Variants in NRG1 observed in about 807,000 individuals in gnomAD.
NRG1 encodes pro-neuregulin-1, membrane-bound isoform.
A neutral mutation model predicts 63.8 loss-of-function variants in NRG1; 18 were observed. The observed-to-expected ratio is 0.28, with a 90% CI of 0.19 to 0.42. The LOEUF is 0.42. Ranked by LOEUF, NRG1 falls within the 10% of genes least tolerant of loss-of-function variation. The pLI is 1.00. For synonymous variants in NRG1, 302 were observed against 301.3 expected, an observed-to-expected ratio of 1.00 and a Z score of -0.02; for missense variants, 762 against 814.7, an observed-to-expected ratio of 0.94 and a Z score of 0.79.
intron 5 of NRG1, among the ~76,000 whole-genome samples, chr8:32,650,431 A>G (rs1428401294): frequency 6.6e-6 from 1 of 152,012 alleles, no homozygotes; most frequent in Non-Finnish European, 1.5e-5. Context: ...AGACTTTGAA[A>G]CCTATAAGGA....
At chr8:32,412,431 TATATATATATATATATATATAC>T (rs1156548985) in intron 1 of NRG1, among the ~76,000 whole-genome samples, 1 of 43,922 alleles carries the variant, frequency 2.3e-5, no homozygotes, top group East Asian at 7.7e-4. Context: ...TACATATATA[TATATATATATATATATATATAC>T]ATATATATAT....
chr8:32,642,461 G>C (rs578094260), intron 5 of NRG1, among the ~76,000 whole-genome samples: 3 of 152,150 alleles, frequency 2.0e-5, no homozygotes, highest in Admixed American at 2.0e-4. Flanking sequence ...GAAGGGCTTC[G>C]TCAAGGAGCT....
At chr8:32,732,387 A>G (rs12680777) in intron 6 of NRG1, among the ~76,000 whole-genome samples, 4,560 of 152,228 alleles carry the variant, frequency 0.03, 296 homozygotes, top group East Asian at 0.28. Context: ...GAACAGTTTC[A>G]GTGGAGAACT....
intron 1 of NRG1, among the ~76,000 whole-genome samples, chr8:32,570,550 G>GA (rs1838355488): frequency 6.6e-6 from 1 of 152,006 alleles, no homozygotes; most frequent in Non-Finnish European, 1.5e-5. Flanking sequence ...AAGTTCATCA[G>GA]AAAAAATTTA....
chr8:32,643,937 A>AT (rs1296942580), intron 5 of NRG1, among the ~76,000 whole-genome samples: 2 of 152,210 alleles, frequency 1.3e-5, no homozygotes, highest in African/African-American at 4.8e-5. Context: ...TCAATAATAT[A>AT]ATCAAATGCA....
At chr8:32,466,068 C>T (rs929355529) in intron 1 of NRG1, among the ~76,000 whole-genome samples, 2 of 151,978 alleles carry the variant, frequency 1.3e-5, no homozygotes, top group South Asian at 2.1e-4. Flanking sequence ...TTTGGGAGGC[C>T]GAGATGGGCT....
chr8:32,591,926 C>T (rs1359911640), intron 1 of NRG1, among the ~76,000 whole-genome samples: 1 of 151,758 alleles, frequency 6.6e-6, no homozygotes, highest in Non-Finnish European at 1.5e-5. Context: ...TGCACATGTA[C>T]CCCCTGCACC....
chr8:32,612,425 T>A lies in NRG1; in HGVS notation c.401-2089T>A, dbSNP rs114219094. ...AGAAGTATAGGTTAACTTTTGAGCTTGTATTTCCTCCAGGGTTAATTCAGA... is the reference window on the plus strand; with the variant it reads ...AGAAGTATAGGTTAACTTTTGAGCTAGTATTTCCTCCAGGGTTAATTCAGA... On this transcript the variant is annotated intron_variant, in intron 3 of 11. Transcript: ENST00000356819. Among the ~76,000 whole-genome samples the A allele has an allele frequency of 3.1e-3, 475 of 152,168 alleles. 1 individual carries two copies. Among genetic ancestry groups the A allele is most frequent in the African/African-American group, 0.011 (445 of 41,548 alleles).
chr8:31,942,171 G>T (rs927372963), intron 1 of NRG1, among the ~76,000 whole-genome samples: 4 of 152,044 alleles, frequency 2.6e-5, no homozygotes, highest in Admixed American at 6.6e-5. Context: ...AAACAGCATG[G>T]TACTGGTATA....
chr8:31,813,516 C>CTTTTCTTTTCTTTTCTTTTCTTTTTTTT, intron 1 of NRG1, among the ~76,000 whole-genome samples: 1 of 101,214 alleles, frequency 9.9e-6, no homozygotes. Flanking sequence ...CTTTTCTTTT[C>CTTTTCTTTTCTTTTCTTTTCTTTTTTTT]TTTTTTTTTT....
At chr8:32,515,082 G>A (rs1031198825) in intron 1 of NRG1, among the ~76,000 whole-genome samples, 12 of 152,004 alleles carry the variant, frequency 7.9e-5, no homozygotes, top group African/African-American at 2.4e-4. Context: ...CAATGAACAC[G>A]TAAGTGTGTG....
chr8:31,977,919 A>T (rs957875072), intron 1 of NRG1, among the ~76,000 whole-genome samples: 24 of 152,110 alleles, frequency 1.6e-4, no homozygotes, highest in African/African-American at 5.5e-4. Context: ...ACTAGTCTTG[A>T]CAAACGGATT....
chr8:32,296,196 A>G (rs1854845866), intron 1 of NRG1, among the ~76,000 whole-genome samples: 1 of 152,102 alleles, frequency 6.6e-6, no homozygotes, highest in Non-Finnish European at 1.5e-5. Flanking sequence ...AACATATTGA[A>G]CCCCATATCT....
chr8:32,322,603 T>A (rs1801542160), intron 1 of NRG1, among the ~76,000 whole-genome samples: 1 of 152,124 alleles, frequency 6.6e-6, no homozygotes, highest in South Asian at 2.1e-4. Flanking sequence ...ATCCCACATC[T>A]TCTCCAGTGG....
At chr8:32,537,976 G>A (rs970432704) in intron 1 of NRG1, among the ~76,000 whole-genome samples, 2 of 151,990 alleles carry the variant, frequency 1.3e-5, no homozygotes, top group South Asian at 2.1e-4. Context: ...CTCAGCCTCC[G>A]GAGTAGCTGG....
chr8:31,745,714 C>T (rs913693358), intron 1 of NRG1, among the ~76,000 whole-genome samples: 13 of 151,714 alleles, frequency 8.6e-5, no homozygotes, highest in East Asian at 1.9e-4. Context: ...TGATACCTAC[C>T]GCTTATGCTT....
chr8:32,608,376 A>G (rs867341850), intron 3 of NRG1, among the ~76,000 whole-genome samples: 4 of 151,642 alleles, frequency 2.6e-5, no homozygotes, highest in Middle Eastern at 3.4e-3. Flanking sequence ...GAGTGTTGCT[A>G]TGTTGCCCAC....
intron 1 of NRG1, among the ~76,000 whole-genome samples, chr8:31,960,063 CA>C (rs1805194480): frequency 6.6e-6 from 1 of 152,048 alleles, no homozygotes; most frequent in African/African-American, 2.4e-5. Context: ...AACAGGTCTG[CA>C]AAGGCAGTGT....
chr8:32,401,455 T>C (rs748457286), intron 1 of NRG1, among the ~76,000 whole-genome samples: 2 of 152,186 alleles, frequency 1.3e-5, no homozygotes, highest in Non-Finnish European at 2.9e-5. Context: ...CACTAGAGGT[T>C]CATGAGGGCA....
Sources: gnomAD v4.1 joint callset for allele counts (sites outside exome capture counted in the v4.1 genomes callset) on GRCh38, gnomAD v4.1.1 for gene constraint, MANE v1.5 for transcripts, NCBI Gene and HGNC (gene_info 2026-07-23, HGNC 2026-07-21) for gene names.